PVT1: variants seen among roughly 807,000 people sequenced by gnomAD.
The protein encoded by PVT1 is CXCR4/PVT1 fusion.
At chr8:128,052,498 T>C (rs1250114922) in intron 4 of PVT1, among the ~76,000 whole-genome samples, 1 of 152,252 alleles carries the variant, frequency 6.6e-6, no homozygotes, top group African/African-American at 2.4e-5. Context: ...CTGGATTTCT[T>C]AGCTCTTGTG....
At chr8:127,922,669 C>T (rs1816076862) in intron 3 of PVT1, among the ~76,000 whole-genome samples, 2 of 152,274 alleles carry the variant, frequency 1.3e-5, no homozygotes, top group South Asian at 4.2e-4. Flanking sequence ...CCATCTGTGT[C>T]CCCCACTCTA....
intron 2 of PVT1, among the ~76,000 whole-genome samples, chr8:127,857,679 AAAAAC>A (rs562060100): frequency 3.3e-5 from 5 of 152,182 alleles, no homozygotes; most frequent in African/African-American, 4.8e-5. Flanking sequence ...GACTGCCTCA[AAAAAC>A]AAAACAAAAC....
chr8:127,982,405 A>G (rs1472942548), intron 3 of PVT1, among the ~76,000 whole-genome samples: 2 of 152,322 alleles, frequency 1.3e-5, no homozygotes, highest in Non-Finnish European at 1.5e-5. Context: ...ATAGTGAGCA[A>G]CAGCTGTGTG....
At chr8:128,034,323 C>T (rs1039036993) in intron 4 of PVT1, among the ~76,000 whole-genome samples, 7 of 152,184 alleles carry the variant, frequency 4.6e-5, no homozygotes, top group Admixed American at 4.6e-4. Context: ...GTATTCTCTT[C>T]CCTTGGAAAA....
intron 2 of PVT1, among the ~76,000 whole-genome samples, chr8:127,853,699 C>G (rs764167197): frequency 2.0e-5 from 3 of 151,836 alleles, no homozygotes; most frequent in Non-Finnish European, 4.4e-5. Flanking sequence ...GAGAATCGCT[C>G]CAACCTGGGA....
chr8:127,872,427 GTAAA>G (rs1239516641), intron 2 of PVT1, among the ~76,000 whole-genome samples: 1 of 152,012 alleles, frequency 6.6e-6, no homozygotes, highest in Admixed American at 6.6e-5. Context: ...AAATAAATAA[GTAAA>G]TAAGAGTTTA....
At chr8:127,870,057 G>A (rs910620357) in intron 2 of PVT1, among the ~76,000 whole-genome samples, 4 of 152,332 alleles carry the variant, frequency 2.6e-5, no homozygotes, top group Admixed American at 6.5e-5. Flanking sequence ...TCCTGTCTCG[G>A]CTTCCCAAAG....
chr8:128,046,872 T>C (rs1041789390), intron 4 of PVT1, among the ~76,000 whole-genome samples: 1 of 152,238 alleles, frequency 6.6e-6, no homozygotes, highest in Non-Finnish European at 1.5e-5. Flanking sequence ...TCTAATCACG[T>C]AGATTACAGC....
intron 2 of PVT1, among the ~76,000 whole-genome samples, chr8:127,823,833 G>A (rs1366888786): frequency 1.3e-5 from 2 of 152,184 alleles, no homozygotes; most frequent in Admixed American, 1.3e-4. Flanking sequence ...CGAAGCAGTC[G>A]GCTTTGATCA....
intron 4 of PVT1, among the ~76,000 whole-genome samples, chr8:128,017,025 AAAAAG>A (rs1462215881): frequency 6.6e-6 from 1 of 152,242 alleles, no homozygotes. Context: ...GTCTCAAAAG[AAAAAG>A]AAAAGTTTCC....
chr8:127,975,250 G>A (rs561139885), intron 3 of PVT1, among the ~76,000 whole-genome samples: 17 of 152,234 alleles, frequency 1.1e-4, no homozygotes, highest in Middle Eastern at 3.4e-3. Context: ...TTTCAAATAA[G>A]GTTGTTTATG....
intron 4 of PVT1, among the ~76,000 whole-genome samples, chr8:127,996,344 CCTT>C (rs1358419363): frequency 4.0e-5 from 6 of 151,724 alleles, no homozygotes; most frequent in Non-Finnish European, 8.8e-5. Flanking sequence ...TAATTTGTGT[CCTT>C]CTGCTTGGAA....
intron 3 of PVT1, among the ~76,000 whole-genome samples, chr8:127,914,364 G>C (rs1815953989): frequency 6.7e-6 from 1 of 149,688 alleles, no homozygotes; most frequent in Non-Finnish European, 1.5e-5. Flanking sequence ...ATTGCTGGTA[G>C]GAATGTAAGA....
chr8:128,066,649 G>T (rs150782776), intron 4 of PVT1, among the ~76,000 whole-genome samples: 194 of 152,310 alleles, frequency 1.3e-3, no homozygotes, highest in African/African-American at 4.5e-3. Context: ...AGGAAAGTGG[G>T]CTCTAATGAC....
At chr8:128,073,379 C>T (rs570668950) in intron 5 of PVT1, among the ~76,000 whole-genome samples, 2 of 152,110 alleles carry the variant, frequency 1.3e-5, no homozygotes, top group East Asian at 3.9e-4. Flanking sequence ...CCCTTCATTC[C>T]TCCCTCCCTT....
intron 3 of PVT1, chr8:127,989,144 CT>C (rs1817002314): frequency 1.3e-5 from 2 of 152,076 alleles, no homozygotes; most frequent in Admixed American, 1.3e-4. Flanking sequence ...AATATGTATC[CT>C]TTTTGTGTGT....
intron 2 of PVT1, among the ~76,000 whole-genome samples, chr8:127,832,923 G>C (rs541211073): frequency 6.6e-6 from 1 of 152,100 alleles, no homozygotes; most frequent in Non-Finnish European, 1.5e-5. Flanking sequence ...TTGGGTAAAA[G>C]GTTATCCAAC....
At chr8:127,809,048 AAAAAAAAG>A (rs1160993892) in intron 2 of PVT1, among the ~76,000 whole-genome samples, 11 of 150,078 alleles carry the variant, frequency 7.3e-5, no homozygotes, top group Non-Finnish European at 1.0e-4. Flanking sequence ...AAAAAAAAAA[AAAAAAAAG>A]AAAGAAAAAA....
At chr8:127,936,695 T>C (rs1348901451) in intron 3 of PVT1, among the ~76,000 whole-genome samples, 1 of 152,218 alleles carries the variant, frequency 6.6e-6, no homozygotes, top group African/African-American at 2.4e-5. Context: ...AGGGCTGAGC[T>C]GCTTCCTCTC....
Sources: allele counts gnomAD v4.1 joint callset (sites outside exome capture counted in the v4.1 genomes callset), GRCh38; gene constraint gnomAD v4.1.1; transcripts MANE v1.5; gene names NCBI Gene and HGNC (gene_info 2026-07-23, HGNC 2026-07-21).